Variants in KANK1 observed in about 807,000 individuals in gnomAD.
KANK1 encodes KN motif and ankyrin repeat domains 1.
A neutral mutation model predicts 106.2 loss-of-function variants in KANK1; 109 were observed. The ratio of observed to expected loss-of-function variants is 1.03; its 90% confidence interval spans 0.88 to 1.20. The LOEUF (loss-of-function observed/expected upper bound fraction) is 1.20. Ranked by LOEUF, KANK1 falls within the 50% of genes most tolerant of loss-of-function variation. The probability of loss-of-function intolerance (pLI) is 0.00; values close to 1 mark genes in which losing one functional copy is unlikely to be tolerated. For missense variants in KANK1, 2,399 were observed against 1,710.7 expected, an observed-to-expected ratio of 1.40 and a Z score of -7.10; for synonymous variants, 873 against 652.2, an observed-to-expected ratio of 1.34 and a Z score of -5.16.
At chr9:627,436 A>G (rs10975476) in intron 1 of KANK1, among the ~76,000 whole-genome samples, 23,472 of 152,042 alleles carry the variant, frequency 0.15, 1,973 homozygotes, top group Admixed American at 0.18. Context: ...TGTGCCCAGG[A>G]GAGGACCTTT....
At chr9:607,482 C>G (rs1462500096) in intron 1 of KANK1, among the ~76,000 whole-genome samples, 1 of 98,878 alleles carries the variant, frequency 1.0e-5, no homozygotes, top group East Asian at 3.2e-4. Context: ...AAGACTCCAT[C>G]TCAAAAAAAA....
At chr9:546,545 T>G (rs1382211793) in intron 1 of KANK1, among the ~76,000 whole-genome samples, 2 of 152,084 alleles carry the variant, frequency 1.3e-5, no homozygotes, top group Non-Finnish European at 2.9e-5. Flanking sequence ...CAGTCTCATT[T>G]GCTTGTGGCA....
chr9:653,714 C>T (rs1193453964), intron 1 of KANK1, among the ~76,000 whole-genome samples: 1 of 152,204 alleles, frequency 6.6e-6, no homozygotes, highest in East Asian at 1.9e-4. Context: ...TTGGAGGTAA[C>T]AGAACTGTGA....
intron 1 of KANK1, among the ~76,000 whole-genome samples, chr9:627,863 A>G (rs1834727135): frequency 6.6e-6 from 1 of 152,228 alleles, no homozygotes; most frequent in Non-Finnish European, 1.5e-5. Context: ...GGCTAGGGCC[A>G]GATGCTGGCA....
intron 1 of KANK1, among the ~76,000 whole-genome samples, chr9:657,488 C>T (rs147364486): frequency 6.6e-5 from 10 of 152,206 alleles, no homozygotes; most frequent in Non-Finnish European, 1.5e-4. Context: ...TACAGTTTCA[C>T]CAACAACTCT....
intron 1 of KANK1, among the ~76,000 whole-genome samples, chr9:575,987 G>A (rs543887888): frequency 2.0e-5 from 3 of 152,300 alleles, no homozygotes; most frequent in South Asian, 4.1e-4. Flanking sequence ...TGTGCCACTG[G>A]ACTCCAGCGT....
rs746863287 is a variant in KANK1 at position 732,442 on chromosome 9, G to A, written c.3070G>A (p.Glu1024Lys). 38 of 1,614,036 alleles carry A rather than the reference G, an allele frequency of 2.4e-5. No homozygotes were observed. Among genetic ancestry groups the A allele is most frequent in the African/African-American group, 2.0e-4 (15 of 74,918 alleles). ...DESSSSESDD[E>K]CDVIEYPLEE... is the part of the protein sequence containing the mutation. ...AAGCTCTTCTTCCGAGTCAGATGACGAGTGTGATGTCATTGAGTATCCTCT... is the reference window on the plus strand; with the variant it reads ...AAGCTCTTCTTCCGAGTCAGATGACAAGTGTGATGTCATTGAGTATCCTCT... The change falls in exon 6 of 12, where the codon GAG (glutamate) becomes AAG (lysine). Residue 1024 changes from glutamate (E) to lysine (K), a missense_variant. Transcript: ENST00000382297.
intron 1 of KANK1, among the ~76,000 whole-genome samples, chr9:566,305 G>C (rs1191944139): frequency 6.6e-6 from 1 of 152,162 alleles, no homozygotes; most frequent in African/African-American, 2.4e-5. Context: ...TGTGAATAGT[G>C]CTGCAGTGAG....
intron 1 of KANK1, among the ~76,000 whole-genome samples, chr9:615,262 A>G (rs1831531001): frequency 6.6e-6 from 1 of 152,208 alleles, no homozygotes. Flanking sequence ...ATACCAACAT[A>G]CTATAAATAT....
At chr9:653,076 T>C (rs1841284525) in intron 1 of KANK1, among the ~76,000 whole-genome samples, 1 of 152,198 alleles carries the variant, frequency 6.6e-6, no homozygotes, top group South Asian at 2.1e-4. Context: ...GCATCCCATA[T>C]GGCCTTAACT....
Position 711,053 on chromosome 9 carries a change from A to C in KANK1, c.287A>C (p.Asn96Thr). The C allele has an allele frequency of 6.2e-7, 1 of 1,614,146 alleles. No homozygotes were observed. The highest frequency in any genetic ancestry group is 8.5e-7 in the Non-Finnish European group (1 of 1,180,018). The change falls in exon 3 of 12, where the codon AAC becomes ACC. Residue 96 changes from asparagine to threonine, a missense_variant. Transcript: ENST00000382297. ...WTSTESLSSS[N>T]SDDNKQCPNF... ...TCCACTGAATCCCTCTCATCCTCCAACAGTGATGACAACAAGCAGTGCCCC... is the reference window on the plus strand; with the variant it reads ...TCCACTGAATCCCTCTCATCCTCCACCAGTGATGACAACAAGCAGTGCCCC...
At chr9:620,100 C>G (rs1178768489) in intron 1 of KANK1, among the ~76,000 whole-genome samples, 2 of 151,232 alleles carry the variant, frequency 1.3e-5, no homozygotes, top group East Asian at 1.9e-4. Flanking sequence ...CCACTGCACT[C>G]CAGCCTGGGC....
intron 1 of KANK1, among the ~76,000 whole-genome samples, chr9:658,029 A>C (rs1412296907): frequency 6.6e-6 from 1 of 152,078 alleles, no homozygotes; most frequent in Non-Finnish European, 1.5e-5. Flanking sequence ...ATGAACCACC[A>C]TACCCAGTTC....
intron 1 of KANK1, among the ~76,000 whole-genome samples, chr9:662,665 A>T (rs1588683953): frequency 1.4e-5 from 2 of 141,762 alleles, no homozygotes; most frequent in East Asian, 2.1e-4. Flanking sequence ...ACAAAAGTTA[A>T]TTTTTTTTTT....
intron 1 of KANK1, among the ~76,000 whole-genome samples, chr9:562,547 G>C (rs1225468466): frequency 6.6e-6 from 1 of 152,168 alleles, no homozygotes; most frequent in Admixed American, 6.5e-5. Context: ...TCAGCAAAGG[G>C]GATTCCAGCT....
intron 2 of KANK1, among the ~76,000 whole-genome samples, chr9:705,980 T>A (rs997178511): frequency 6.6e-6 from 1 of 152,116 alleles, no homozygotes; most frequent in Non-Finnish European, 1.5e-5. Flanking sequence ...TGTTTTCGTC[T>A]TGTTAAAGTT....
chr9:606,537 C>T (rs556024598), intron 1 of KANK1, among the ~76,000 whole-genome samples: 1 of 139,734 alleles, frequency 7.2e-6, no homozygotes, highest in Non-Finnish European at 1.5e-5. Flanking sequence ...GTCTGGGCAA[C>T]AACAGCAAAA....
At chr9:726,151 T>G (rs1318467276) in intron 3 of KANK1, among the ~76,000 whole-genome samples, 2 of 151,906 alleles carry the variant, frequency 1.3e-5, no homozygotes, top group Admixed American at 1.3e-4. Flanking sequence ...TTTTTTCCCA[T>G]GAGTCAAACA....
At chr9:600,519 T>C (rs1827475104) in intron 1 of KANK1, among the ~76,000 whole-genome samples, 1 of 151,910 alleles carries the variant, frequency 6.6e-6, no homozygotes, top group Non-Finnish European at 1.5e-5. Flanking sequence ...AGAATATAAA[T>C]AAATAAAATG....
Sources: gnomAD v4.1 joint callset for allele counts (sites outside exome capture counted in the v4.1 genomes callset) on GRCh38, gnomAD v4.1.1 for gene constraint, MANE v1.5 for transcripts, NCBI Gene and HGNC (gene_info 2026-07-23, HGNC 2026-07-21) for gene names.